CDH13: variants seen among roughly 807,000 people sequenced by gnomAD.
CDH13 encodes cadherin 13, also known as cadherin-13.
CDH13 carries 24 observed loss-of-function variants against 63.8 expected under a neutral mutation model. The observed-to-expected ratio is 0.38, with a 90% CI of 0.27 to 0.53. The LOEUF is 0.53. Among genes scored for constraint, CDH13 ranks in the 20% least tolerant of loss-of-function variants. The probability of loss-of-function intolerance (pLI) is 0.85; values close to 1 mark genes in which losing one functional copy is unlikely to be tolerated. For missense variants in CDH13, 1,049 were observed against 903.1 expected (o/e 1.16, Z -2.07); for synonymous variants, 503 against 355.3 (o/e 1.42, Z -4.67).
At chr16:82,919,069 G>T (rs907581563) in intron 2 of CDH13, among the ~76,000 whole-genome samples, 1 of 151,780 alleles carries the variant, frequency 6.6e-6, no homozygotes, top group African/African-American at 2.4e-5. Flanking sequence ...TTTCTGTTTG[G>T]CTTTTTGTTT....
chr16:83,292,637 A>G lies in CDH13; in HGVS notation c.637-52225A>G, dbSNP rs530719562. 8.5e-5 allele frequency among the ~76,000 whole-genome samples: 13 copies of G among 152,232 alleles called. 1 individual carries two copies. The highest frequency in any genetic ancestry group is 3.4e-3 in the Middle Eastern group (1 of 294). On this transcript the variant is annotated intron_variant, in intron 5 of 13. Transcript: ENST00000567109. ...ATCACACACTCTCACTAAGTAGGCA[A>G]TTTCTTTGGGGTGATAAAAATGATT...
intron 2 of CDH13, among the ~76,000 whole-genome samples, chr16:82,973,438 C>G (rs1909053814): frequency 6.6e-6 from 1 of 152,182 alleles, no homozygotes; most frequent in South Asian, 2.1e-4. Context: ...TCTTGTTTTC[C>G]CACTGTTCAC....
intron 1 of CDH13, among the ~76,000 whole-genome samples, chr16:82,736,878 C>G (rs913769581): frequency 1.4e-4 from 22 of 152,124 alleles, no homozygotes; most frequent in Non-Finnish European, 1.5e-4. Flanking sequence ...CTTCCTCAAT[C>G]CTTTCATTGT....
chr16:82,638,325 T>C (rs1433958254), intron 1 of CDH13, among the ~76,000 whole-genome samples: 3 of 152,200 alleles, frequency 2.0e-5, no homozygotes, highest in Non-Finnish European at 4.4e-5. Flanking sequence ...CCTAGCCCTT[T>C]AGAAGTGAGC....
chr16:83,143,281 C>A (rs1197358597), intron 4 of CDH13, among the ~76,000 whole-genome samples: 3 of 151,916 alleles, frequency 2.0e-5, no homozygotes, highest in Non-Finnish European at 4.4e-5. Context: ...TCCAATATGT[C>A]AAGTACCATT....
At chr16:83,213,120 C>T (rs1031323106) in intron 4 of CDH13, among the ~76,000 whole-genome samples, 2 of 152,258 alleles carry the variant, frequency 1.3e-5, no homozygotes, top group Non-Finnish European at 2.9e-5. Context: ...GTGTGCAGTG[C>T]TAAGCTGGGG....
chr16:82,830,027 T>C (rs1226374653), intron 1 of CDH13, among the ~76,000 whole-genome samples: 1 of 152,230 alleles, frequency 6.6e-6, no homozygotes, highest in African/African-American at 2.4e-5. Context: ...TGAGTAAACA[T>C]TTCATAGATA....
At chr16:82,839,288 G>T (rs2038908683) in intron 1 of CDH13, among the ~76,000 whole-genome samples, 1 of 152,208 alleles carries the variant, frequency 6.6e-6, no homozygotes, top group Non-Finnish European at 1.5e-5. Flanking sequence ...TCTAGGCTTA[G>T]ATGTGGGAAA....
intron 8 of CDH13, among the ~76,000 whole-genome samples, chr16:83,622,054 A>G (rs1459492074): frequency 5.9e-5 from 9 of 152,154 alleles, no homozygotes; most frequent in Admixed American, 5.2e-4. Flanking sequence ...AGATAAAAAA[A>G]TTCATCCATA....
intron 2 of CDH13, among the ~76,000 whole-genome samples, chr16:82,864,135 G>A (rs150785261): frequency 7.9e-5 from 12 of 152,282 alleles, no homozygotes; most frequent in South Asian, 2.1e-4. Context: ...ATTGATCTAA[G>A]GGATTAGGTT....
At chr16:83,094,909 G>A (rs1213795740) in intron 3 of CDH13, among the ~76,000 whole-genome samples, 2 of 152,138 alleles carry the variant, frequency 1.3e-5, no homozygotes, top group African/African-American at 4.8e-5. Flanking sequence ...AACTCTGTAA[G>A]TTATTGAAAA....
At chr16:82,808,957 G>A (rs1433239247) in intron 1 of CDH13, among the ~76,000 whole-genome samples, 1 of 152,108 alleles carries the variant, frequency 6.6e-6, no homozygotes, top group Non-Finnish European at 1.5e-5. Context: ...TTAGGTAGGT[G>A]CAATAAACTA....
At chr16:82,703,865 C>T (rs1028215742) in intron 1 of CDH13, among the ~76,000 whole-genome samples, 1 of 152,146 alleles carries the variant, frequency 6.6e-6, no homozygotes, top group Non-Finnish European at 1.5e-5. Context: ...TCAGTGACAC[C>T]TGCACTCAGA....
intron 1 of CDH13, among the ~76,000 whole-genome samples, chr16:82,655,002 C>T (rs1911140154): frequency 6.6e-6 from 1 of 152,192 alleles, no homozygotes; most frequent in African/African-American, 2.4e-5. Flanking sequence ...TGCTTTTAGT[C>T]ATTCTCTTGG....
chr16:82,914,035 G>C (rs983981450), intron 2 of CDH13, among the ~76,000 whole-genome samples: 65 of 151,926 alleles, frequency 4.3e-4, no homozygotes, highest in African/African-American at 1.4e-3. Flanking sequence ...TGTGTGGTAA[G>C]AGCAATGACT....
chr16:83,676,334 C>G (rs1914952578), intron 9 of CDH13, among the ~76,000 whole-genome samples: 1 of 152,170 alleles, frequency 6.6e-6, no homozygotes, highest in Non-Finnish European at 1.5e-5. Flanking sequence ...GGAAATGGCC[C>G]TTGGGGGACT....
chr16:82,853,106 C>G lies in CDH13; in HGVS notation c.46-5256C>G, dbSNP rs74031263. Among the ~76,000 whole-genome samples, 342 of 152,246 alleles carry G rather than the reference C, an allele frequency of 2.2e-3. 1 individual carries two copies. Among genetic ancestry groups the G allele is most frequent in the African/African-American group, 8.0e-3 (332 of 41,536 alleles). On this transcript the variant is annotated intron_variant, in intron 1 of 13. Transcript: ENST00000567109. ...TGTGCATACATTTAGGGTAGTGGCT[C>G]TTGCATGGAAGAGAGATCTCTGAGC...
chr16:83,494,954 T>C (rs1454875575), intron 7 of CDH13, among the ~76,000 whole-genome samples: 1 of 152,202 alleles, frequency 6.6e-6, no homozygotes, highest in Non-Finnish European at 1.5e-5. Flanking sequence ...CTTCAAGTTA[T>C]AGGATCATCT....
intron 10 of CDH13, among the ~76,000 whole-genome samples, chr16:83,716,631 G>A (rs887207284): frequency 3.9e-5 from 6 of 151,988 alleles, no homozygotes; most frequent in Admixed American, 6.6e-5. Flanking sequence ...CTACAGGCAC[G>A]TGCCACCACA....
Sources: gnomAD v4.1 joint callset for allele counts (sites outside exome capture counted in the v4.1 genomes callset) on GRCh38, gnomAD v4.1.1 for gene constraint, MANE v1.5 for transcripts, NCBI Gene and HGNC (gene_info 2026-07-23, HGNC 2026-07-21) for gene names.